The following MORN3 variants were observed in gnomAD, a reference collection of about 807,000 sequenced individuals.
MORN3 encodes the protein MORN repeat-containing protein 3.
Under a neutral mutation model 34.7 loss-of-function variants are expected in MORN3, and 38 were observed. The observed-to-expected ratio is 1.10, with a 90% CI of 0.85 to 1.44. The LOEUF (loss-of-function observed/expected upper bound fraction) is 1.44, where lower values mean the gene tolerates loss of function less well. Ranked by LOEUF, MORN3 falls within the 40% of genes most tolerant of loss-of-function variation. MORN3 has a pLI of 0.00. For missense variants in MORN3, 311 were observed against 321.7 expected (o/e 0.97, Z 0.25); for synonymous variants, 109 against 115.3 (o/e 0.95, Z 0.35).
intron 3 of MORN3, 72 bp downstream of exon 3, chr12:121,654,202 C>G: frequency 7.9e-7 from 1 of 1,264,816 alleles, no homozygotes; most frequent in Non-Finnish European, 1.1e-6. Context: ...TCTGTGGGAC[C>G]AAATGGGCGT....
intron 2 of MORN3, 80 bp downstream of exon 2, chr12:121,659,111 T>C (rs1893499105): frequency 6.5e-7 from 1 of 1,535,760 alleles, no homozygotes; most frequent in South Asian, 1.2e-5. Flanking sequence ...CAGGCCTCTC[T>C]CGGCTTCCCC....
At chr12:121,661,537 T>A (rs923239066) in intron 1 of MORN3, among the ~76,000 whole-genome samples, 3 of 152,124 alleles carry the variant, frequency 2.0e-5, no homozygotes, top group African/African-American at 7.2e-5. Flanking sequence ...ATTCTTTGGG[T>A]CTCTCTGAGC....
chr12:121,660,104 G>C (rs1226395464), intron 1 of MORN3, among the ~76,000 whole-genome samples: 2 of 151,104 alleles, frequency 1.3e-5, no homozygotes, highest in Non-Finnish European at 2.9e-5. Flanking sequence ...CGTGGTGGCA[G>C]GCGCCTGTAA....
intron 2 of MORN3, among the ~76,000 whole-genome samples, chr12:121,658,000 C>T (rs567920878): frequency 1.3e-5 from 2 of 152,108 alleles, no homozygotes; most frequent in Non-Finnish European, 2.9e-5. Flanking sequence ...AAGAAGACAG[C>T]TTTGACTCCC....
rs190811793 is a variant in MORN3 at position 121,667,182 on chromosome 12, G to A, written c.145+2157C>T. ...TCACCATGTTGGCTAGGCTGGTCTC[G>A]AACTCCTGACCTCAGGCGATATGCC... On this transcript the variant is annotated intron_variant, in intron 1 of 5. Transcript: ENST00000355329. 2.6e-4 allele frequency among the ~76,000 whole-genome samples: 40 copies of A among 151,906 alleles called. No homozygotes were observed. The East Asian group carries it at 7.2e-3, about 27-fold the overall frequency.
At chr12:121,657,644 G>A (rs1555325814) in intron 2 of MORN3, among the ~76,000 whole-genome samples, 2 of 152,138 alleles carry the variant, frequency 1.3e-5, no homozygotes, top group Non-Finnish European at 2.9e-5. Flanking sequence ...CAGGCTGGCG[G>A]ATCACCTGAG....
At chr12:121,664,348 A>T (rs1024619333) in intron 1 of MORN3, among the ~76,000 whole-genome samples, 2 of 152,224 alleles carry the variant, frequency 1.3e-5, no homozygotes, top group Non-Finnish European at 2.9e-5. Flanking sequence ...CAATATCAGA[A>T]GAAGGGCACT....
At position 121,653,133 on chromosome 12, in the gene MORN3, G is replaced by A. The variant is rs201965651; in HGVS notation, c.590C>T (p.Thr197Met). The change falls in exon 4 of 6, where the codon ACG (threonine) becomes ATG (methionine). Residue 197 changes from threonine (T) to methionine (M), a missense_variant. Thr to Met is a moderately conservative substitution (Grantham distance 81). Transcript: ENST00000355329. ...CTCGTCACGGCCAAAGTCGATCATC[G>A]TCCCGCATTTGGCCATATTGTCCAC... The part of the protein sequence containing the change: ...FWVDNMAKCG[T>M]MIDFGRDEAP... The A allele has an allele frequency of 5.6e-5, 90 of 1,614,080 alleles. No individual in the cohort carries two copies. The highest frequency in any genetic ancestry group is 1.3e-4 in the Admixed American group (8 of 59,998).
Position 121,659,206 on chromosome 12 carries a change from T to C in MORN3, c.288A>G (p.Lys96=). The change falls in exon 2 of 6, where the codon AAA becomes AAG. Residue 96 remains lysine (K), a synonymous_variant. Transcript: ENST00000355329. ...GCCTGCTCACCGATTTCTTATCACC[T>C]TTCCACCAGCCTGAGTAGACTCTCC... ...KCRRVYSGWW[K]GDKKSGYGIQ... 1 of 1,613,064 alleles carries C rather than the reference T, an allele frequency of 6.2e-7. No homozygotes were observed. Among genetic ancestry groups the C allele is most frequent in the Non-Finnish European group, 8.5e-7 (1 of 1,179,542 alleles).
intron 1 of MORN3, among the ~76,000 whole-genome samples, chr12:121,665,812 T>G (rs1381491675): frequency 2.0e-5 from 3 of 150,782 alleles, no homozygotes; most frequent in Non-Finnish European, 4.4e-5. Flanking sequence ...TGCTACTGTT[T>G]GGGTGACTGA....
At chr12:121,659,058 CA>C in intron 2 of MORN3, 132 bp downstream of exon 2, 1 of 1,229,606 alleles carries the variant, frequency 8.1e-7, no homozygotes, top group Non-Finnish European at 1.1e-6. Context: ...ACGAGCAGCA[CA>C]ACCCTGTCCT....
chr12:121,668,880 C>T (rs1594238390), intron 1 of MORN3, among the ~76,000 whole-genome samples: 1 of 152,284 alleles, frequency 6.6e-6, no homozygotes, highest in African/African-American at 2.4e-5. Flanking sequence ...ACTTGGAGCC[C>T]CAGCTCCTCC....
At chr12:121,656,299 A>G (rs550500700) in intron 2 of MORN3, among the ~76,000 whole-genome samples, 22 of 151,400 alleles carry the variant, frequency 1.5e-4, no homozygotes, top group Non-Finnish European at 2.8e-4. Context: ...AGCATCTTTT[A>G]GTGTCACCTC....
chr12:121,672,194 G>T (rs1447594869), upstream of MORN3, among the ~76,000 whole-genome samples: 1 of 151,790 alleles, frequency 6.6e-6, no homozygotes, highest in Non-Finnish European at 1.5e-5. Context: ...CATGGGGGCT[G>T]CCGCCTGCAA....
At chr12:121,661,806 G>A (rs1235967631) in intron 1 of MORN3, among the ~76,000 whole-genome samples, 1 of 151,874 alleles carries the variant, frequency 6.6e-6, no homozygotes, top group African/African-American at 2.4e-5. Context: ...AATCTGGGAG[G>A]TGGAGGTTGC....
chr12:121,659,402 T>G (rs1594227650), intron 1 of MORN3, 54 bp from the exon 2 acceptor site: 2 of 1,591,470 alleles, frequency 1.3e-6, no homozygotes, highest in Non-Finnish European at 1.7e-6. Flanking sequence ...GGGGTGGGGG[T>G]GGTGTGCCTG....
chr12:121,665,967 C>T (rs1313603814), intron 1 of MORN3, among the ~76,000 whole-genome samples: 1 of 151,798 alleles, frequency 6.6e-6, no homozygotes, highest in Non-Finnish European at 1.5e-5. Context: ...AAATTTAATA[C>T]AGGGGATGGA....
chr12:121,662,086 AGCAATT>A (rs1459319092), intron 1 of MORN3, among the ~76,000 whole-genome samples: 1 of 152,112 alleles, frequency 6.6e-6, no homozygotes, highest in Non-Finnish European at 1.5e-5. Context: ...ACAGTAAAAT[AGCAATT>A]AGCAGGGGCT....
At chr12:121,664,955 G>T (rs1438886258) in intron 1 of MORN3, among the ~76,000 whole-genome samples, 1 of 150,116 alleles carries the variant, frequency 6.7e-6, no homozygotes, top group Non-Finnish European at 1.5e-5. Flanking sequence ...GCAGGCAAAT[G>T]CAGGAGACAC....
Sources: gnomAD v4.1 joint callset for allele counts (sites outside exome capture counted in the v4.1 genomes callset) on GRCh38, gnomAD v4.1.1 for gene constraint, MANE v1.5 for transcripts, NCBI Gene and HGNC (gene_info 2026-07-23, HGNC 2026-07-21) for gene names.